NR5A2: variants seen among roughly 807,000 people sequenced by gnomAD.
NR5A2 encodes nuclear receptor subfamily 5 group A member 2.
A neutral mutation model predicts 62.7 loss-of-function variants in NR5A2; 26 were observed. The observed-to-expected ratio is 0.41, with a 90% CI of 0.30 to 0.58. The LOEUF is 0.58. NR5A2 is among the 20% of genes least tolerant of loss of function. The pLI is 0.22. For missense variants in NR5A2, 541 were observed against 669.1 expected (o/e 0.81, Z 2.11); for synonymous variants, 246 against 241.7 (o/e 1.02, Z -0.16).
intron 5 of NR5A2, among the ~76,000 whole-genome samples, chr1:200,064,997 C>G (rs1162760988): frequency 1.3e-5 from 2 of 152,098 alleles, no homozygotes; most frequent in Admixed American, 1.3e-4. Flanking sequence ...GTTGCCCAGG[C>G]TGGTCTCAAA....
intron 1 of NR5A2, among the ~76,000 whole-genome samples, chr1:200,028,481 G>A (rs1661430590): frequency 6.8e-6 from 1 of 146,652 alleles, no homozygotes; most frequent in Non-Finnish European, 1.5e-5. Flanking sequence ...AGGATTTGAA[G>A]AGCTACTGTT....
intron 7 of NR5A2, among the ~76,000 whole-genome samples, chr1:200,129,859 T>C (rs1290678799): frequency 6.6e-6 from 1 of 152,186 alleles, no homozygotes; most frequent in Non-Finnish European, 1.5e-5. Context: ...GTGCTCAGGA[T>C]GCCTACATTT....
intron 5 of NR5A2, among the ~76,000 whole-genome samples, chr1:200,071,838 T>G (rs1663752128): frequency 2.6e-5 from 4 of 152,194 alleles, no homozygotes. Context: ...CAGAACCAAT[T>G]ATAATATTTA....
chr1:200,123,566 G>A (rs1359706435), intron 7 of NR5A2, among the ~76,000 whole-genome samples: 1 of 152,096 alleles, frequency 6.6e-6, no homozygotes, highest in Admixed American at 6.6e-5. Context: ...GCAAGAAGAA[G>A]TAAGTGCCAT....
chr1:200,080,601 C>T (rs952782766), intron 5 of NR5A2, among the ~76,000 whole-genome samples: 2 of 152,176 alleles, frequency 1.3e-5, no homozygotes, highest in African/African-American at 4.8e-5. Flanking sequence ...TTCCATTACC[C>T]TTGTGTTTGG....
intron 5 of NR5A2, among the ~76,000 whole-genome samples, chr1:200,050,323 T>A (rs1662569026): frequency 6.6e-6 from 1 of 152,224 alleles, no homozygotes; most frequent in African/African-American, 2.4e-5. Context: ...AAAGGTTAGG[T>A]AATGTAAAAA....
Position 200,048,857 on chromosome 1 carries a change from A to G in NR5A2, c.1110+39A>G. On this transcript the variant is annotated intron_variant, in intron 5 of 7. Transcript: ENST00000367362. The surrounding 1 kb of genome is among the most constrained non-coding windows in gnomAD (Gnocchi z 4.8). ...TATTACAACTTACAGCACCCCTTTT[A>G]AGAGAGACCTAACTATGTTCCTAAT... 1 of 1,600,358 alleles carries G rather than the reference A, an allele frequency of 6.2e-7. No homozygotes were observed. The highest frequency in any genetic ancestry group is 8.5e-7 in the Non-Finnish European group (1 of 1,169,758).
chr1:200,065,943 T>TG (rs892202218), intron 5 of NR5A2, among the ~76,000 whole-genome samples: 1 of 152,058 alleles, frequency 6.6e-6, no homozygotes, highest in Non-Finnish European at 1.5e-5. Flanking sequence ...TCAATGATTG[T>TG]GGGGGAAATA....
Position 200,129,720 on chromosome 1 carries a change from TGTG to T in NR5A2, c.1378+8769_1378+8771del, listed in dbSNP as rs751746287. On this transcript the variant is annotated intron_variant, in intron 7 of 7. Coordinates refer to ENST00000367362, the MANE Select transcript of NR5A2 (RefSeq NM_205860.3). ...CGGAGTCCTGATGTCAGTGTGACAT[TGTG>T]GTGTAAATCATGAAGGGGTTTTTCT... is the stretch of plus-strand genomic sequence containing the variant. Among the ~76,000 whole-genome samples the T allele has an allele frequency of 1.1e-3, 173 of 152,320 alleles. 1 individual carries two copies. The highest frequency in any genetic ancestry group is 1.5e-3 in the Non-Finnish European group (104 of 68,020).
At chr1:200,043,121 C>A in intron 2 of NR5A2, 1 of 538,088 alleles carries the variant, frequency 1.9e-6, no homozygotes, top group Non-Finnish European at 2.4e-6. Context: ...TTTATTTTCA[C>A]AGATTTTCAA....
chr1:200,079,183 T>C (rs1664176538), intron 5 of NR5A2, among the ~76,000 whole-genome samples: 1 of 152,216 alleles, frequency 6.6e-6, no homozygotes, highest in Non-Finnish European at 1.5e-5. Context: ...GGATACCATA[T>C]AACCTGCTCA....
intron 5 of NR5A2, among the ~76,000 whole-genome samples, chr1:200,063,480 T>C (rs1663325281): frequency 6.6e-6 from 1 of 152,212 alleles, no homozygotes; most frequent in South Asian, 2.1e-4. Flanking sequence ...TATGTTGCAC[T>C]CATCTGTTGG....
intron 5 of NR5A2, among the ~76,000 whole-genome samples, chr1:200,102,589 A>G (rs1439250416): frequency 6.6e-6 from 1 of 152,242 alleles, no homozygotes; most frequent in Non-Finnish European, 1.5e-5. Context: ...GGATGTCAGC[A>G]GAATGACAGC....
intron 6 of NR5A2, among the ~76,000 whole-genome samples, chr1:200,119,545 A>G (rs905577434): frequency 3.9e-5 from 6 of 152,226 alleles, no homozygotes; most frequent in African/African-American, 1.4e-4. Flanking sequence ...AGCCAGTGCT[A>G]TCACTGACAG....
intron 5 of NR5A2, among the ~76,000 whole-genome samples, chr1:200,096,400 C>T (rs1432469298): frequency 3.9e-5 from 6 of 152,082 alleles, no homozygotes; most frequent in African/African-American, 1.2e-4. Context: ...TGCTGCCTTC[C>T]TGACACTCAA....
chr1:200,149,985 C>A (rs1652984012), intron 7 of NR5A2, among the ~76,000 whole-genome samples: 1 of 152,142 alleles, frequency 6.6e-6, no homozygotes. Context: ...GAGTTTATAT[C>A]ACTTATGTAA....
At chr1:200,136,322 G>A (rs974698337) in intron 7 of NR5A2, among the ~76,000 whole-genome samples, 5 of 151,888 alleles carry the variant, frequency 3.3e-5, no homozygotes, top group Non-Finnish European at 5.9e-5. Flanking sequence ...GGGTTCGGGC[G>A]ATTTGAACAC....
At chr1:200,164,940 A>G (rs569437480) in intron 7 of NR5A2, among the ~76,000 whole-genome samples, 74 of 124,386 alleles carry the variant, frequency 5.9e-4, no homozygotes, top group African/African-American at 2.3e-3. Context: ...GCAATGGCAC[A>G]ATCTCAGCTC....
chr1:200,043,624 A>G, intron 2 of NR5A2, 150 bp from the exon 3 acceptor site: 2 of 528,194 alleles, frequency 3.8e-6, no homozygotes, highest in Admixed American at 7.0e-5. Context: ...TTGTAAAAAT[A>G]GTTCAGTAAG....
Sources: gnomAD v4.1 joint callset for allele counts (sites outside exome capture counted in the v4.1 genomes callset) on GRCh38, gnomAD v4.1.1 for gene constraint, Gnocchi (gnomAD v3.1) non-coding constraint, MANE v1.5 for transcripts, NCBI Gene and HGNC (gene_info 2026-07-23, HGNC 2026-07-21) for gene names.